Variants in CALN1 observed in about 807,000 individuals in gnomAD.
CALN1 encodes calcium-binding protein 8.
In CALN1, 17 loss-of-function variants were observed where a neutral mutation model predicts 30.6. The observed-to-expected ratio is 0.56, with a 90% confidence interval of 0.38 to 0.83. CALN1 has a LOEUF of 0.83. CALN1 is among the 40% of genes least tolerant of loss of function. The pLI, the probability that CALN1 is intolerant of heterozygous loss-of-function variation, is 0.00. For missense variants in CALN1, 291 were observed against 354.9 expected, an observed-to-expected ratio of 0.82 and a Z score of 1.45; for synonymous variants, 156 against 131.4, an observed-to-expected ratio of 1.19 and a Z score of -1.28.
At chr7:71,851,642 A>T (rs530828419) in intron 5 of CALN1, among the ~76,000 whole-genome samples, 2 of 152,244 alleles carry the variant, frequency 1.3e-5, no homozygotes, top group South Asian at 4.2e-4. Context: ...CCTTTGGATA[A>T]TTGCCCATAG....
rs79335703 is a variant in CALN1, at chr7:72,100,915, C to T, written c.388+5236G>A. Among the ~76,000 whole-genome samples the T allele has an allele frequency of 3.8e-3, 578 of 151,350 alleles. 2 individuals are homozygous for T. Among genetic ancestry groups the T allele is most frequent in the African/African-American group, 0.012 (498 of 41,296 alleles). On this transcript the variant is annotated intron_variant, in intron 4 of 6. Coordinates refer to ENST00000395275, the MANE Select transcript of CALN1 (RefSeq NM_031468.4). ...GTCCAACCTATGTGTAAAGAAGTTG[C>T]TAATTGCTAATTCCATTCACATTTA...
intron 2 of CALN1, among the ~76,000 whole-genome samples, chr7:72,380,368 G>A (rs770445728): frequency 2.6e-5 from 4 of 152,178 alleles, no homozygotes; most frequent in Non-Finnish European, 5.9e-5. Flanking sequence ...GGGTGCAGTG[G>A]CTCATACCTA....
At chr7:71,839,828 T>G (rs959459371) in intron 5 of CALN1, among the ~76,000 whole-genome samples, 5 of 152,188 alleles carry the variant, frequency 3.3e-5, no homozygotes, top group Non-Finnish European at 7.3e-5. Flanking sequence ...TTCCCTTCCC[T>G]GACCTAGCAT....
intron 3 of CALN1, among the ~76,000 whole-genome samples, chr7:72,152,422 A>G (rs911780676): frequency 6.6e-6 from 1 of 152,160 alleles, no homozygotes; most frequent in Non-Finnish European, 1.5e-5. Flanking sequence ...ATCTTCACAT[A>G]GCTGGAGTTT....
At chr7:72,268,486 A>T (rs1201582150) in intron 3 of CALN1, among the ~76,000 whole-genome samples, 1 of 152,206 alleles carries the variant, frequency 6.6e-6, no homozygotes, top group Non-Finnish European at 1.5e-5. Context: ...ATTTTAACTA[A>T]TTCAGGGAAA....
intron 6 of CALN1, among the ~76,000 whole-genome samples, chr7:71,795,013 A>G (rs971470966): frequency 6.7e-6 from 1 of 150,108 alleles, no homozygotes; most frequent in African/African-American, 2.5e-5. Flanking sequence ...GATCTTGCCT[A>G]TTTTTTTTCT....
At chr7:72,194,373 A>G (rs1790836525) in intron 3 of CALN1, among the ~76,000 whole-genome samples, 1 of 152,060 alleles carries the variant, frequency 6.6e-6, no homozygotes, top group Non-Finnish European at 1.5e-5. Flanking sequence ...TCTACTAAAA[A>G]TACAAAATTA....
chr7:72,477,705 T>G, the CALN1 span, among the ~76,000 whole-genome samples: 1 of 152,116 alleles, frequency 6.6e-6, no homozygotes, highest in African/African-American at 2.4e-5. Context: ...TACAGGCACA[T>G]GCCACCATGC....
At chr7:71,980,847 T>C (rs959663661) in intron 5 of CALN1, among the ~76,000 whole-genome samples, 4 of 152,052 alleles carry the variant, frequency 2.6e-5, no homozygotes, top group African/African-American at 9.7e-5. Flanking sequence ...ATGTCTAAAA[T>C]TGCCCCCTAC....
chr7:71,810,169 C>T (rs575711197), intron 6 of CALN1, among the ~76,000 whole-genome samples, 167 bp downstream of exon 6: 2 of 152,084 alleles, frequency 1.3e-5, no homozygotes, highest in South Asian at 4.2e-4. Context: ...AAAATGAAAC[C>T]CACCGCATCT....
chr7:71,941,056 T>A (rs2903615), intron 5 of CALN1, among the ~76,000 whole-genome samples: 1 of 152,006 alleles, frequency 6.6e-6, no homozygotes, highest in Non-Finnish European at 1.5e-5. Context: ...ATCAATATTA[T>A]GAATTTCTGG....
Position 72,228,690 on chromosome 7 carries a change from G to A in CALN1, c.244+49996C>T, listed in dbSNP as rs188007587. Among the ~76,000 whole-genome samples, 4 of 151,824 alleles carry A rather than the reference G, an allele frequency of 2.6e-5. No homozygotes were observed. In the East Asian group the frequency reaches 5.8e-4, roughly 22 times the overall value. On this transcript the variant is annotated intron_variant, in intron 3 of 6. Coordinates refer to ENST00000395275, the MANE Select transcript of CALN1 (RefSeq NM_031468.4). Reference sequence around the variant, plus strand: ...CGATGGAAAGAAGGTGCTTAATGCAGGGCCTGGAATACAGCAAGCACTCCA... The same window carrying A: ...CGATGGAAAGAAGGTGCTTAATGCAAGGCCTGGAATACAGCAAGCACTCCA...
chr7:71,831,331 T>C (rs910761922), intron 5 of CALN1, among the ~76,000 whole-genome samples: 1 of 151,864 alleles, frequency 6.6e-6, no homozygotes, highest in African/African-American at 2.4e-5. Context: ...ATACAAAAAA[T>C]TAGCCGGGTG....
rs565671849 is a variant in CALN1, at chr7:71,795,427, G to C, written c.659-7525C>G. Reference sequence around the variant, plus strand: ...AAGGGCCTGCTCCTTGTGTTTATTTGTTGTAATGATCTAGCTTTCAATATT... The same window carrying C: ...AAGGGCCTGCTCCTTGTGTTTATTTCTTGTAATGATCTAGCTTTCAATATT... On this transcript the variant is annotated intron_variant, in intron 6 of 6. Transcript: ENST00000395275. 7.0e-4 allele frequency among the ~76,000 whole-genome samples: 106 copies of C among 152,102 alleles called. 1 individual carries two copies. The highest frequency in any genetic ancestry group is 3.4e-3 in the Middle Eastern group (1 of 294).
At chr7:72,439,130 A>G (rs1041237529) in intron 1 of CALN1, among the ~76,000 whole-genome samples, 1 of 152,128 alleles carries the variant, frequency 6.6e-6, no homozygotes, top group East Asian at 1.9e-4. Flanking sequence ...TCCTGGGCTC[A>G]AGTGATCCTC....
chr7:72,256,922 C>A (rs1337462025), intron 3 of CALN1, among the ~76,000 whole-genome samples: 1 of 152,186 alleles, frequency 6.6e-6, no homozygotes, highest in African/African-American at 2.4e-5. Flanking sequence ...AGGCACCTTG[C>A]CACATCCTCC....
intron 4 of CALN1, among the ~76,000 whole-genome samples, chr7:72,044,589 C>A (rs962367270): frequency 2.1e-5 from 3 of 142,484 alleles, no homozygotes; most frequent in Admixed American, 1.5e-4. Flanking sequence ...AGAATAATTT[C>A]CGCTTAAAAC....
intron 4 of CALN1, among the ~76,000 whole-genome samples, chr7:72,088,260 A>T (rs1252263094): frequency 6.6e-6 from 1 of 152,182 alleles, no homozygotes; most frequent in Non-Finnish European, 1.5e-5. Flanking sequence ...ATGAATATGA[A>T]CTGGTGACAT....
At chr7:72,197,613 T>C (rs1164224428) in intron 3 of CALN1, among the ~76,000 whole-genome samples, 2 of 152,150 alleles carry the variant, frequency 1.3e-5, no homozygotes, top group Non-Finnish European at 2.9e-5. Flanking sequence ...AAGGATGGCT[T>C]GAAGCCAGGA....
Sources: allele counts gnomAD v4.1 joint callset (sites outside exome capture counted in the v4.1 genomes callset), GRCh38; gene constraint gnomAD v4.1.1; transcripts MANE v1.5; gene names NCBI Gene and HGNC (gene_info 2026-07-23, HGNC 2026-07-21).